The following GRID1 variants were observed in gnomAD, a reference collection of about 807,000 sequenced individuals.
GRID1 encodes glutamate ionotropic receptor delta type subunit 1, also known as glutamate receptor ionotropic, delta-1.
In GRID1, 28 loss-of-function variants were observed where a neutral mutation model predicts 98.0. The observed-to-expected ratio is 0.29, with a 90% CI of 0.21 to 0.39. The LOEUF (loss-of-function observed/expected upper bound fraction) is 0.39, where lower values mean the gene tolerates loss of function less well. GRID1 is among the 10% of genes least tolerant of loss of function. The pLI is 1.00. For synonymous variants in GRID1, 553 were observed against 538.5 expected, an observed-to-expected ratio of 1.03 and a Z score of -0.37; for missense variants, 1,111 against 1,340.5, an observed-to-expected ratio of 0.83 and a Z score of 2.67.
At chr10:85,649,633 G>A (rs1159095286) in intron 12 of GRID1, among the ~76,000 whole-genome samples, 1 of 152,086 alleles carries the variant, frequency 6.6e-6, no homozygotes, top group Non-Finnish European at 1.5e-5. Flanking sequence ...TCATGAGTGT[G>A]GAATGAATGG....
chr10:85,720,758 C>T lies in GRID1; in HGVS notation c.1997+2245G>A, dbSNP rs76178973. 9.5e-4 allele frequency among the ~76,000 whole-genome samples: 144 copies of T among 151,618 alleles called. 1 individual carries two copies. Among genetic ancestry groups the T allele is most frequent in the African/African-American group, 3.4e-3 (140 of 41,452 alleles). The stretch of plus-strand genomic sequence containing the variant: ...TGATTGTGGACTGAATTGTAAAATG[C>T]AAACGTTTTCAGTAAAAAATAAAAG... On this transcript the variant is annotated intron_variant, in intron 12 of 15. Coordinates refer to ENST00000327946, the MANE Select transcript of GRID1 (RefSeq NM_017551.3).
chr10:86,314,361 G>A (rs1292849154), intron 2 of GRID1, among the ~76,000 whole-genome samples: 1 of 152,240 alleles, frequency 6.6e-6, no homozygotes, highest in African/African-American at 2.4e-5. Context: ...CCAGATGATG[G>A]TAGGTGGCAT....
At chr10:86,015,386 T>C (rs1049394718) in intron 4 of GRID1, among the ~76,000 whole-genome samples, 1 of 152,252 alleles carries the variant, frequency 6.6e-6, no homozygotes, top group African/African-American at 2.4e-5. Flanking sequence ...AGCTCATTCC[T>C]CCTACCAAAG....
At chr10:86,232,050 G>C (rs1359436553) in intron 2 of GRID1, among the ~76,000 whole-genome samples, 1 of 152,140 alleles carries the variant, frequency 6.6e-6, no homozygotes, top group South Asian at 2.1e-4. Flanking sequence ...CACTGCACTT[G>C]GGTATAAGAG....
chr10:86,080,620 C>A (rs1843963700), intron 4 of GRID1, among the ~76,000 whole-genome samples: 1 of 152,102 alleles, frequency 6.6e-6, no homozygotes, highest in Non-Finnish European at 1.5e-5. Flanking sequence ...GGATGCCCGG[C>A]ATCCTCCTGA....
At chr10:85,938,748 G>A (rs747065662) in intron 4 of GRID1, among the ~76,000 whole-genome samples, 3 of 152,162 alleles carry the variant, frequency 2.0e-5, no homozygotes, top group Non-Finnish European at 4.4e-5. Context: ...ATTAGAAACA[G>A]GCCAGAAGCT....
rs545902167 is a variant in GRID1 at position 86,287,669 on chromosome 10, C to A, written c.235+76272G>T. 3.3e-5 allele frequency among the ~76,000 whole-genome samples: 5 copies of A among 152,272 alleles called. No individual in the cohort carries two copies. In the East Asian group the frequency reaches 9.7e-4, roughly 29 times the overall value. ...CACAGAGCCTTCCCTGAACAGGTGA[C>A]CGCGTATCCTCGTTTGCCCAGCACA... On this transcript the variant is annotated intron_variant, in intron 2 of 15. Coordinates refer to ENST00000327946, the MANE Select transcript of GRID1 (RefSeq NM_017551.3).
chr10:86,190,463 G>A (rs1845785919), intron 3 of GRID1, among the ~76,000 whole-genome samples: 1 of 152,210 alleles, frequency 6.6e-6, no homozygotes, highest in African/African-American at 2.4e-5. Flanking sequence ...GGAGGGGCTG[G>A]GCAGTGCCCC....
chr10:85,862,864 C>A (rs536508993), intron 6 of GRID1, among the ~76,000 whole-genome samples: 4 of 152,172 alleles, frequency 2.6e-5, no homozygotes, highest in Admixed American at 6.5e-5. Context: ...AATAAGGAAC[C>A]AAGACCCAGA....
intron 5 of GRID1, among the ~76,000 whole-genome samples, chr10:85,896,940 T>A (rs1048734139): frequency 6.6e-6 from 1 of 152,176 alleles, no homozygotes; most frequent in African/African-American, 2.4e-5. Flanking sequence ...TTGCATAAAT[T>A]ATGATTCCTC....
intron 4 of GRID1, among the ~76,000 whole-genome samples, chr10:85,920,679 G>A (rs1841690260): frequency 6.9e-6 from 1 of 145,852 alleles, no homozygotes; most frequent in Non-Finnish European, 1.5e-5. Context: ...AGTGTGGATC[G>A]AGCTGCATAA....
chr10:85,692,329 T>C (rs1352410951), intron 12 of GRID1, among the ~76,000 whole-genome samples: 1 of 151,976 alleles, frequency 6.6e-6, no homozygotes, highest in Non-Finnish European at 1.5e-5. Flanking sequence ...AACTTATAAA[T>C]GAAGAGTAAA....
chr10:85,734,910 T>C (rs1006926175), intron 8 of GRID1, among the ~76,000 whole-genome samples: 2 of 152,204 alleles, frequency 1.3e-5, no homozygotes, highest in Non-Finnish European at 2.9e-5. Context: ...ACCAGCCTTG[T>C]AGTCACCCAA....
intron 8 of GRID1, among the ~76,000 whole-genome samples, chr10:85,817,579 T>C (rs1036593843): frequency 2.0e-5 from 3 of 150,144 alleles, no homozygotes; most frequent in East Asian, 2.0e-4. Context: ...GATTCCAGGA[T>C]GGAAAGTTGG....
chr10:85,674,663 C>G (rs1841124141), intron 12 of GRID1, among the ~76,000 whole-genome samples: 1 of 150,774 alleles, frequency 6.6e-6, no homozygotes, highest in Non-Finnish European at 1.5e-5. Flanking sequence ...ATCACCTGTT[C>G]TTTCTGTCAC....
At chr10:85,976,254 T>C (rs1842471187) in intron 4 of GRID1, among the ~76,000 whole-genome samples, 1 of 152,214 alleles carries the variant, frequency 6.6e-6, no homozygotes, top group African/African-American at 2.4e-5. Flanking sequence ...CTGTAGCAAT[T>C]AATCTATCTG....
At position 86,087,516 on chromosome 10, in the gene GRID1, G is replaced by GTA. The variant is rs1564671114; in HGVS notation, c.726+51302_726+51303insTA. The stretch of plus-strand genomic sequence containing the variant: ...TCCAAGTGTGTGTGTGTGTCTGTGT[G>GTA]TGTGTGTGTGTGTGTGTGTGTTTTC... On this transcript the variant is annotated intron_variant, in intron 4 of 15. Coordinates refer to ENST00000327946, the MANE Select transcript of GRID1 (RefSeq NM_017551.3). Among the ~76,000 whole-genome samples, 33 of 150,814 alleles carry GTA rather than the reference G, an allele frequency of 2.2e-4. 1 individual carries two copies. The highest frequency in any genetic ancestry group is 5.8e-4 in the African/African-American group (24 of 41,256).
chr10:85,647,572 C>T (rs185420693), intron 12 of GRID1, 175 bp from the exon 13 acceptor site: 31 of 597,438 alleles, frequency 5.2e-5, no homozygotes, highest in Admixed American at 2.6e-4. Flanking sequence ...GGACTTGCAG[C>T]GCCTCATTCA....
At chr10:86,139,772 G>A (rs1441438470) in intron 3 of GRID1, among the ~76,000 whole-genome samples, 1 of 152,178 alleles carries the variant, frequency 6.6e-6, no homozygotes, top group Non-Finnish European at 1.5e-5. Flanking sequence ...CTGGGAGAGA[G>A]GTCTGTCGGC....
Sources: gnomAD v4.1 joint callset for allele counts (sites outside exome capture counted in the v4.1 genomes callset) on GRCh38, gnomAD v4.1.1 for gene constraint, MANE v1.5 for transcripts, NCBI Gene and HGNC (gene_info 2026-07-23, HGNC 2026-07-21) for gene names.